EPHB3: variants seen among roughly 807,000 people sequenced by gnomAD.
EPHB3 encodes the protein EPH receptor B3.
A neutral mutation model predicts 100.2 loss-of-function variants in EPHB3; 33 were observed. The observed-to-expected ratio is 0.33, with a 90% CI of 0.25 to 0.44. The LOEUF (loss-of-function observed/expected upper bound fraction) is 0.44. EPHB3 is among the 20% of genes least tolerant of loss of function. The pLI, the probability that EPHB3 is intolerant of heterozygous loss-of-function variation, is 1.00. For missense variants in EPHB3, 1,045 were observed against 1,378.3 expected, an observed-to-expected ratio of 0.76 and a Z score of 3.83; for synonymous variants, 526 against 554.7, an observed-to-expected ratio of 0.95 and a Z score of 0.73.
Position 184,572,776 on chromosome 3 carries a change from C to A in EPHB3, c.456C>A (p.Asn152Lys), listed in dbSNP as rs1260332028. 3.7e-6 allele frequency: 6 copies of A among 1,603,836 alleles called. No homozygotes were observed. Among genetic ancestry groups the A allele is most frequent in the African/African-American group, 1.3e-5 (1 of 74,366 alleles). The change falls in exon 3 of 16, where the codon AAC (asparagine) becomes AAA (lysine). Residue 152 changes from asparagine to lysine, a missense_variant. Transcript: ENST00000330394. The surrounding 1 kb of genome is among the most constrained non-coding windows in gnomAD (Gnocchi z 6.6). ...ASASSPFWME[N>K]PYVKVDTIAP... Reference sequence around the variant, plus strand: ...CCTCCTCCCCCTTCTGGATGGAGAACCCCTACGTGAAAGTGGACACCATTG... The same window carrying A: ...CCTCCTCCCCCTTCTGGATGGAGAAACCCTACGTGAAAGTGGACACCATTG...
chr3:184,570,656 C>G (rs1302057202), intron 1 of EPHB3, among the ~76,000 whole-genome samples: 1 of 152,216 alleles, frequency 6.6e-6, no homozygotes, highest in Non-Finnish European at 1.5e-5. Context: ...TCAGGGGAGG[C>G]CAGGGCCAGG....
chr3:184,578,249 C>A lies in EPHB3; in HGVS notation c.1749-165C>A. ...TTCCCTAGGGACTGAGTCCACTGAA[C>A]CCCTTGCTCAGACACCCAGAGACTG... On this transcript the variant is annotated intron_variant, in intron 8 of 15. Coordinates refer to ENST00000330394, the MANE Select transcript of EPHB3 (RefSeq NM_004443.4). The surrounding 1 kb of genome is among the most constrained non-coding windows in gnomAD (Gnocchi z 4.7). 1.9e-6 allele frequency: 2 copies of A among 1,053,178 alleles called. No individual in the cohort carries two copies. Among genetic ancestry groups the A allele is most frequent in the South Asian group, 1.5e-5 (1 of 65,398 alleles). 65.2% of individuals were successfully genotyped at this position (1,053,178 alleles called of 1,614,324 possible). A position where few individuals can be genotyped will look rare whatever the true frequency, so the allele number is the denominator to read the frequency against.
intron 1 of EPHB3, among the ~76,000 whole-genome samples, chr3:184,564,651 A>G (rs1392552411): frequency 6.6e-6 from 1 of 152,062 alleles, no homozygotes; most frequent in African/African-American, 2.4e-5. Context: ...GGAAAGATGA[A>G]AGGGAAGGTT....
At chr3:184,567,807 C>A (rs1045168753) in intron 1 of EPHB3, among the ~76,000 whole-genome samples, 3 of 152,144 alleles carry the variant, frequency 2.0e-5, no homozygotes, top group African/African-American at 7.2e-5. Context: ...GGGGTGAGTG[C>A]CCTCTGTGTG....
Position 184,562,206 on chromosome 3 carries a change from C to T in EPHB3, c.-30C>T. 2 of 594,282 alleles carry T rather than the reference C, an allele frequency of 3.4e-6. No homozygotes were observed. The highest frequency in any genetic ancestry group is 4.4e-6 in the Non-Finnish European group (2 of 455,662). The allele number at this position is 594,282 out of a possible 1,614,324, so 36.8% of individuals were successfully genotyped here. A position where few individuals can be genotyped will look rare whatever the true frequency, so the allele number is the denominator to read the frequency against. ...GCCGGCGCGGCCCGGCCCGGCGCGG[C>T]CCGGCTCGGCTCCTAGAGCTGCCAC... On this transcript the variant is annotated 5_prime_UTR_variant, in exon 1 of 16. Coordinates refer to ENST00000330394, the MANE Select transcript of EPHB3 (RefSeq NM_004443.4). The surrounding 1 kb of genome is among the most constrained non-coding windows in gnomAD (Gnocchi z 4.8).
Position 184,562,522 on chromosome 3 carries a change from T to A in EPHB3, c.118+169T>A, listed in dbSNP as rs1714283603. On this transcript the variant is annotated intron_variant, in intron 1 of 15. Transcript: ENST00000330394. The surrounding 1 kb of genome is among the most constrained non-coding windows in gnomAD (Gnocchi z 4.8). ...TGGGGAGGCCGCCCCTGGAGCCGCC[T>A]CGGAGGCTGGAGCTGGCTCGGAGGC... 6.6e-6 allele frequency among the ~76,000 whole-genome samples: 1 copy of A among 151,844 alleles called. No individual in the cohort carries two copies. Among genetic ancestry groups the A allele is most frequent in the East Asian group, 1.9e-4 (1 of 5,148 alleles).
chr3:184,577,863 G>C lies in EPHB3; in HGVS notation c.1640-35G>C. On this transcript the variant is annotated intron_variant, in intron 7 of 15. Transcript: ENST00000330394. This position sits in a 1 kb window ranked among gnomAD's most constrained non-coding sequence, Gnocchi z 4.9. ...GTCCCCATCGCGGCCCTCACTCTCT[G>C]TCCCTCCACTCAGCAGCCCCTTCTC... 6.2e-7 allele frequency: 1 copy of C among 1,610,028 alleles called. No homozygotes were observed. The highest frequency in any genetic ancestry group is 1.7e-5 in the Admixed American group (1 of 59,760).
At chr3:184,575,081 T>A (rs1409227713) in intron 3 of EPHB3, 4 of 936,928 alleles carry the variant, frequency 4.3e-6, no homozygotes, top group Admixed American at 1.2e-4. Context: ...TGTTCCAGTG[T>A]GAAGAATACA....
chr3:184,577,344 C>G lies in EPHB3; in HGVS notation c.1356C>G (p.Ala452=), dbSNP rs201691731. 52 of 1,613,382 alleles carry G rather than the reference C, an allele frequency of 3.2e-5. No individual in the cohort carries two copies. The Admixed American group carries it at 8.7e-4, about 27-fold the overall frequency. Residue 452 remains alanine, a splice_region_variant and synonymous_variant, in exon 6 of 16, where the codon GCC becomes GCG. Coordinates refer to ENST00000330394, the MANE Select transcript of EPHB3 (RefSeq NM_004443.4). The surrounding 1 kb of genome is among the most constrained non-coding windows in gnomAD (Gnocchi z 4.9). ...TGGTGAGCCCTCTGCTCTTCCCAGCCCCGTCTGAAGTGCCCACACTACGCC... is the reference window on the plus strand; with the variant it reads ...TGGTGAGCCCTCTGCTCTTCCCAGCGCCGTCTGAAGTGCCCACACTACGCC... ...AAVNITTNQA[A]PSEVPTLRLH...
In EPHB3 at chr3:184,572,489, T is replaced by C. The variant is rs1342630605; in HGVS notation, c.184-15T>C. 3 of 1,538,896 alleles carry C rather than the reference T, an allele frequency of 1.9e-6. No individual in the cohort carries two copies. Among genetic ancestry groups the C allele is most frequent in the Non-Finnish European group, 2.6e-6 (3 of 1,150,180 alleles). Reference sequence around the variant, plus strand: ...GCAGGCATTCACTCTGTCTTTTTCATTGGTCCATGCACAGTGGGAAGAGGT... The same window carrying C: ...GCAGGCATTCACTCTGTCTTTTTCACTGGTCCATGCACAGTGGGAAGAGGT... On this transcript the variant is annotated splice_polypyrimidine_tract_variant and intron_variant, in intron 2 of 15. Transcript: ENST00000330394. The surrounding 1 kb of genome is among the most constrained non-coding windows in gnomAD (Gnocchi z 6.6).
In EPHB3 at chr3:184,576,851, C is replaced by T; in HGVS notation, c.1022C>T (p.Ser341Phe). 1 of 1,544,046 alleles carries T rather than the reference C, an allele frequency of 6.5e-7. No individual in the cohort carries two copies. Among genetic ancestry groups the T allele is most frequent in the Admixed American group, 1.9e-5 (1 of 53,248 alleles). ...SADSACTTVPSPPRGVISNVN... is the reference protein window; with the variant it reads ...SADSACTTVPFPPRGVISNVN... ...TCCATATTCCTCACAGCCGTGCCAT[C>T]TCCACCCCGAGGTGTGATCTCCAAT... Residue 341 changes from serine (S) to phenylalanine (F), a missense_variant, in exon 5 of 16, where the codon TCT becomes TTT. This residue lies in a region of EPHB3 where 985 missense variants were observed against 1,331.1 expected (regional missense o/e 0.74). Coordinates refer to ENST00000330394, the MANE Select transcript of EPHB3 (RefSeq NM_004443.4).
chr3:184,564,525 A>T (rs1714336973), intron 1 of EPHB3, among the ~76,000 whole-genome samples: 1 of 152,220 alleles, frequency 6.6e-6, no homozygotes, highest in Admixed American at 6.5e-5. Flanking sequence ...TAGCATAGGC[A>T]TTGTTATTCA....
intron 1 of EPHB3, among the ~76,000 whole-genome samples, chr3:184,564,190 G>C (rs186479407): frequency 6.6e-6 from 1 of 152,168 alleles, no homozygotes; most frequent in Non-Finnish European, 1.5e-5. Context: ...CCCCATTCCC[G>C]GCCTGCCCAC....
In EPHB3 at chr3:184,569,183, CGGCG is replaced by C. The variant is rs1714475890; in HGVS notation, c.119-2129_119-2126del. Reference sequence around the variant, plus strand: ...GAGCGGCTGGAGCCCCGGCCTGCTCCGGCGGGCGGACCGGCGGGCGGACCGGCGG... The same window carrying C: ...GAGCGGCTGGAGCCCCGGCCTGCTCCGGCGGACCGGCGGGCGGACCGGCGG... On this transcript the variant is annotated intron_variant, in intron 1 of 15. Coordinates refer to ENST00000330394, the MANE Select transcript of EPHB3 (RefSeq NM_004443.4). This position sits in a 1 kb window ranked among gnomAD's most constrained non-coding sequence, Gnocchi z 5.4. Among the ~76,000 whole-genome samples the C allele has an allele frequency of 6.6e-6, 1 of 151,896 alleles. No individual in the cohort carries two copies. Among genetic ancestry groups the C allele is most frequent in the Admixed American group, 6.5e-5 (1 of 15,272 alleles).
chr3:184,572,491 G>T lies in EPHB3; in HGVS notation c.184-13G>T. The T allele has an allele frequency of 6.5e-7, 1 of 1,541,040 alleles. No homozygotes were observed. The highest frequency in any genetic ancestry group is 8.7e-7 in the Non-Finnish European group (1 of 1,150,918). ...AGGCATTCACTCTGTCTTTTTCATT[G>T]GTCCATGCACAGTGGGAAGAGGTGA... On this transcript the variant is annotated splice_polypyrimidine_tract_variant and intron_variant, in intron 2 of 15. Coordinates refer to ENST00000330394, the MANE Select transcript of EPHB3 (RefSeq NM_004443.4). The surrounding 1 kb of genome is among the most constrained non-coding windows in gnomAD (Gnocchi z 6.6).
rs889018984 is a variant in EPHB3 at position 184,569,169 on chromosome 3, G to A, written c.119-2149G>A. ...GAGGCGGCGCGAGGGAGCGGCTGGA[G>A]CCCCGGCCTGCTCCGGCGGGCGGAC... On this transcript the variant is annotated intron_variant, in intron 1 of 15. Transcript: ENST00000330394. This position sits in a 1 kb window ranked among gnomAD's most constrained non-coding sequence, Gnocchi z 5.4. Among the ~76,000 whole-genome samples the A allele has an allele frequency of 1.3e-5, 2 of 149,538 alleles. No homozygotes were observed. Among genetic ancestry groups the A allele is most frequent in the Admixed American group, 1.3e-4 (2 of 15,112 alleles).
In EPHB3 at chr3:184,572,917, C is replaced by A; in HGVS notation, c.597C>A (p.Cys199Ter). The change falls in exon 3 of 16, where the codon TGC becomes TGA. Residue 199 changes from cysteine (C) to a stop codon, truncating the protein, a stop_gained. Transcript: ENST00000330394. LOFTEE classifies it high-confidence loss of function. This position sits in a 1 kb window ranked among gnomAD's most constrained non-coding sequence, Gnocchi z 6.6. ...FYLAFQDQGACMSLISVRAFY... is the reference protein window; with the variant it reads ...FYLAFQDQGA The stretch of plus-strand genomic sequence containing the variant: ...TGGCCTTCCAGGACCAGGGCGCCTG[C>A]ATGTCGCTCATCTCCGTGCGCGCCT... 6.4e-7 allele frequency: 1 copy of A among 1,566,224 alleles called. No homozygotes were observed.
At position 184,573,394 on chromosome 3, in the gene EPHB3, G is replaced by GA. The variant is rs1240934776; in HGVS notation, c.856+224dup. ...GAGGAGAGACACAAGGATAGTAAGA[G>GA]AAAAAATGACATTAAAGAGAGAGGA... On this transcript the variant is annotated intron_variant, in intron 3 of 15. Transcript: ENST00000330394. This position sits in a 1 kb window ranked among gnomAD's most constrained non-coding sequence, Gnocchi z 4.5. Among the ~76,000 whole-genome samples the GA allele has an allele frequency of 1.3e-5, 2 of 152,144 alleles. No individual in the cohort carries two copies. The highest frequency in any genetic ancestry group is 2.4e-5 in the African/African-American group (1 of 41,426).
chr3:184,580,715 G>GC lies in EPHB3; in HGVS notation c.2389-8dup. The GC allele has an allele frequency of 1.9e-6, 3 of 1,613,252 alleles. No homozygotes were observed. Among genetic ancestry groups the GC allele is most frequent in the South Asian group, 1.1e-5 (1 of 91,006 alleles). On this transcript the variant is annotated splice_polypyrimidine_tract_variant and intron_variant, in intron 12 of 15. Coordinates refer to ENST00000330394, the MANE Select transcript of EPHB3 (RefSeq NM_004443.4). ...CGGAGTCACAGGGTGAAGGGCCTGT[G>GC]CCCCCCTCACCAGGGCGGGAAGATC... is the stretch of plus-strand genomic sequence containing the variant.
Sources: gnomAD v4.1 joint callset for allele counts (sites outside exome capture counted in the v4.1 genomes callset) on GRCh38, gnomAD v4.1.1 for gene constraint, gnomAD v4.1.1 regional missense constraint, Gnocchi (gnomAD v3.1) non-coding constraint, MANE v1.5 for transcripts, NCBI Gene and HGNC (gene_info 2026-07-23, HGNC 2026-07-21) for gene names.